PARVB: variants seen among roughly 807,000 people sequenced by gnomAD.
The protein encoded by PARVB is parvin beta.
PARVB carries 46 observed loss-of-function variants against 47.0 expected under a neutral mutation model. The ratio of observed to expected loss-of-function variants is 0.98; its 90% CI spans 0.77 to 1.25. PARVB has a LOEUF of 1.25. Ranked by LOEUF, PARVB falls within the 50% of genes most tolerant of loss-of-function variation. The probability of loss-of-function intolerance (pLI) is 0.00; values close to 1 mark genes in which losing one functional copy is unlikely to be tolerated. For missense variants in PARVB, 473 were observed against 471.6 expected, an observed-to-expected ratio of 1.00 and a Z score of -0.03; for synonymous variants, 196 against 196.3, an observed-to-expected ratio of 1.00 and a Z score of 0.01.
intron 3 of PARVB, chr22:44,114,438 G>C (rs62227681): frequency 1.2e-3 from 67 of 56,692 alleles, no homozygotes; most frequent in East Asian, 2.6e-3. Context: ...TTGTTACTAA[G>C]TAAGGCCCTG....
At chr22:44,017,573 A>T (rs2050596909) in intron 2 of PARVB, among the ~76,000 whole-genome samples, 1 of 152,202 alleles carries the variant, frequency 6.6e-6, no homozygotes, top group South Asian at 2.1e-4. Flanking sequence ...TGGCATATTC[A>T]AACTGTCTCT....
At chr22:44,154,430 A>G (rs1352852160) in intron 10 of PARVB, among the ~76,000 whole-genome samples, 1 of 151,856 alleles carries the variant, frequency 6.6e-6, no homozygotes, top group Non-Finnish European at 1.5e-5. Flanking sequence ...AATTTCTTCA[A>G]TTTCTATTTG....
At chr22:44,131,063 C>T (rs569583734) in intron 4 of PARVB, among the ~76,000 whole-genome samples, 3 of 135,998 alleles carry the variant, frequency 2.2e-5, no homozygotes, top group Admixed American at 7.4e-5. Context: ...CTCCCTCCCT[C>T]CCTCTCTCTC....
chr22:44,164,654 C>A (rs1200895001), intron 12 of PARVB, among the ~76,000 whole-genome samples: 1 of 152,144 alleles, frequency 6.6e-6, no homozygotes, highest in Non-Finnish European at 1.5e-5. Flanking sequence ...AGGAGGAGCC[C>A]ACAGAACTCA....
At chr22:44,064,198 C>A (rs1348060287) in intron 1 of PARVB, among the ~76,000 whole-genome samples, 1 of 152,198 alleles carries the variant, frequency 6.6e-6, no homozygotes, top group Non-Finnish European at 1.5e-5. Context: ...AGACCACCAG[C>A]CCTCGGTGCA....
intron 1 of PARVB, among the ~76,000 whole-genome samples, chr22:44,063,484 C>CCCA (rs1279118626): frequency 2.2e-4 from 33 of 152,204 alleles, no homozygotes; most frequent in Non-Finnish European, 2.8e-4. Flanking sequence ...GTCTTGGCCT[C>CCCA]CCAAAGTACT....
intron 2 of PARVB, among the ~76,000 whole-genome samples, chr22:44,098,654 T>G (rs1169279381): frequency 6.6e-6 from 1 of 152,130 alleles, no homozygotes; most frequent in Non-Finnish European, 1.5e-5. Flanking sequence ...TCCCGAGAAC[T>G]CCCTGCACAT....
chr22:44,100,878 C>T (rs1601601245), intron 3 of PARVB, among the ~76,000 whole-genome samples: 2 of 152,140 alleles, frequency 1.3e-5, no homozygotes, highest in Admixed American at 6.5e-5. Context: ...CTTGGGCACA[C>T]GGCTGTGGCA....
chr22:44,136,908 C>T (rs940064149), intron 7 of PARVB, among the ~76,000 whole-genome samples: 1 of 152,212 alleles, frequency 6.6e-6, no homozygotes, highest in African/African-American at 2.4e-5. Context: ...CCAGAACTTT[C>T]CTTTGACAGA....
intron 2 of PARVB, among the ~76,000 whole-genome samples, chr22:44,094,924 T>A (rs2052263829): frequency 6.6e-6 from 1 of 151,234 alleles, no homozygotes. Flanking sequence ...GTAAGAAGAC[T>A]CTTCTTCTTC....
intron 2 of PARVB, among the ~76,000 whole-genome samples, chr22:44,097,809 G>A (rs2052344461): frequency 6.6e-6 from 1 of 152,218 alleles, no homozygotes; most frequent in African/African-American, 2.4e-5. Context: ...GACCGGAGAT[G>A]CCTCTGAGAA....
At chr22:44,009,547 A>G (rs929275925) in intron 2 of PARVB, 4 of 151,878 alleles carry the variant, frequency 2.6e-5, no homozygotes, top group African/African-American at 9.7e-5. Flanking sequence ...ATTCTGCCAT[A>G]AAGGTTTATA....
chr22:44,129,754 T>C (rs9614204), intron 4 of PARVB, among the ~76,000 whole-genome samples: 85,096 of 152,048 alleles, frequency 0.56, 24,195 homozygotes, highest in East Asian at 0.71. Flanking sequence ...CTGCAGGATG[T>C]GTTTTGTTGG....
chr22:44,123,741 G>A (rs1481759000), intron 4 of PARVB, among the ~76,000 whole-genome samples: 1 of 151,742 alleles, frequency 6.6e-6, no homozygotes, highest in Non-Finnish European at 1.5e-5. Context: ...ATGTTGCCCA[G>A]GCTGGTCTTG....
In PARVB at chr22:44,089,440, G is replaced by A. The variant is rs2052110018; in HGVS notation, c.113-4488G>A. ...AGCATGCCTGTGCCAGCGCGCCTGT[G>A]CCAGCACACCCGGGCCAGCACACCC... On this transcript the variant is annotated intron_variant, in intron 1 of 12. Transcript: ENST00000338758. This position sits in a 1 kb window ranked among gnomAD's most constrained non-coding sequence, Gnocchi z 4.0. 1 of 151,942 alleles carries A rather than the reference G, an allele frequency of 6.6e-6. No homozygotes were observed. Among genetic ancestry groups the A allele is most frequent in the Non-Finnish European group, 1.5e-5 (1 of 68,138 alleles). The allele number at this position is 151,942 out of a possible 1,614,324, so 9.4% of individuals were successfully genotyped here.
intron 1 of PARVB, among the ~76,000 whole-genome samples, chr22:44,032,883 G>T (rs1603425639): frequency 6.6e-6 from 1 of 152,156 alleles, no homozygotes; most frequent in East Asian, 1.9e-4. Flanking sequence ...GTTGCTGAGT[G>T]GCTGTCACCC....
upstream of PARVB, among the ~76,000 whole-genome samples, chr22:44,023,323 C>A (rs2050673188): frequency 6.6e-6 from 1 of 151,594 alleles, no homozygotes; most frequent in African/African-American, 2.4e-5. Context: ...CCAGCCTGGC[C>A]AACATGGCAA....
chr22:44,012,999 C>T (rs551209093), intron 2 of PARVB, among the ~76,000 whole-genome samples: 113 of 152,030 alleles, frequency 7.4e-4, no homozygotes, highest in Non-Finnish European at 1.4e-3. Flanking sequence ...CGGGTTCAGG[C>T]GATTCTCGTG....
intron 1 of PARVB, among the ~76,000 whole-genome samples, chr22:44,038,674 C>T (rs1223404330): frequency 7.9e-5 from 12 of 152,168 alleles, no homozygotes; most frequent in African/African-American, 2.2e-4. Flanking sequence ...CCCAGCTACT[C>T]GGGAGGCTGA....
Sources: gnomAD v4.1 joint callset for allele counts (sites outside exome capture counted in the v4.1 genomes callset) on GRCh38, gnomAD v4.1.1 for gene constraint, Gnocchi (gnomAD v3.1) non-coding constraint, MANE v1.5 for transcripts, NCBI Gene and HGNC (gene_info 2026-07-23, HGNC 2026-07-21) for gene names.